RFC3: variants seen among roughly 807,000 people sequenced by gnomAD.
The protein encoded by RFC3 is replication factor C subunit 3.
In RFC3, 41 loss-of-function variants were observed where a neutral mutation model predicts 45.1. The ratio of observed to expected loss-of-function variants is 0.91; its 90% CI spans 0.71 to 1.18. The LOEUF (loss-of-function observed/expected upper bound fraction) is 1.18, where lower values mean the gene tolerates loss of function less well. Ranked by LOEUF, RFC3 falls within the 50% of genes most tolerant of loss-of-function variation. The pLI, the probability that RFC3 is intolerant of heterozygous loss-of-function variation, is 0.00. For synonymous variants in RFC3, 149 were observed against 144.0 expected, an observed-to-expected ratio of 1.03 and a Z score of -0.25; for missense variants, 423 against 428.1, an observed-to-expected ratio of 0.99 and a Z score of 0.10.
intron 8 of RFC3, among the ~76,000 whole-genome samples, chr13:33,922,900 A>T (rs1166745104): frequency 3.9e-5 from 6 of 152,142 alleles, no homozygotes; most frequent in African/African-American, 1.4e-4. Flanking sequence ...GGGTTGCAGG[A>T]ATTAACTTAT....
At chr13:33,921,257 T>C (rs1006495583) in intron 8 of RFC3, among the ~76,000 whole-genome samples, 1 of 152,148 alleles carries the variant, frequency 6.6e-6, no homozygotes, top group Non-Finnish European at 1.5e-5. Context: ...AGCGGCTAAG[T>C]GCTGTCAGCA....
intron 8 of RFC3, among the ~76,000 whole-genome samples, chr13:33,885,435 C>T (rs1410254768): frequency 1.3e-5 from 2 of 152,110 alleles, no homozygotes; most frequent in Admixed American, 6.6e-5. Context: ...GTAACCATCA[C>T]CTGGATAATG....
intron 8 of RFC3, among the ~76,000 whole-genome samples, chr13:33,929,817 G>A (rs912179013): frequency 1.3e-5 from 2 of 151,852 alleles, no homozygotes; most frequent in African/African-American, 4.8e-5. Flanking sequence ...TCCAATTTAT[G>A]CTATTAGAAA....
chr13:33,975,301 A>G, the RFC3 span, among the ~76,000 whole-genome samples: 2 of 152,214 alleles, frequency 1.3e-5, no homozygotes, highest in East Asian at 1.9e-4. Context: ...GCTACATACT[A>G]TATGATTCCA....
rs573349570 is a variant in RFC3 at position 33,904,558 on chromosome 13, A to G, written c.880-61529A>G. On this transcript the variant is annotated intron_variant, in intron 8 of 8. Coordinates refer to the RFC3 transcript ENST00000434425. ...CTCCAGTCTTTCTTCACATTAATCC[A>G]TCTTCCTGGTGTCAGAGGAACCCTC... is the stretch of plus-strand genomic sequence containing the variant. Among the ~76,000 whole-genome samples the G allele has an allele frequency of 5.3e-5, 8 of 151,934 alleles. No individual in the cohort carries two copies. In the South Asian group the frequency reaches 1.2e-3, roughly 24 times the overall value.
At chr13:33,976,227 G>A in the RFC3 span, among the ~76,000 whole-genome samples, 1 of 152,128 alleles carries the variant, frequency 6.6e-6, no homozygotes, top group African/African-American at 2.4e-5. Flanking sequence ...CTATCCATCT[G>A]GGAACAGATA....
chr13:33,836,584 T>C lies in RFC3; in HGVS notation c.*289T>C, dbSNP rs984356811. The C allele has an allele frequency of 9.3e-7, 1 of 1,070,036 alleles. No homozygotes were observed. Among genetic ancestry groups the C allele is most frequent in the Non-Finnish European group, 1.1e-6 (1 of 882,232 alleles). 66.3% of individuals were successfully genotyped at this position (1,070,036 alleles called of 1,614,324 possible). A position where few individuals can be genotyped will look rare whatever the true frequency, so the allele number is the denominator to read the frequency against. On this transcript the variant is annotated 3_prime_UTR_variant, in exon 9 of 9. Transcript: ENST00000380071. ...ATTCATTGTTGATCCTCCTATTCTC[T>C]TCCGTCTAATCTCTCACCTGCTAAA... is the stretch of plus-strand genomic sequence containing the variant.
At chr13:33,912,152 A>G (rs551989401) in intron 8 of RFC3, among the ~76,000 whole-genome samples, 1 of 152,106 alleles carries the variant, frequency 6.6e-6, no homozygotes, top group South Asian at 2.1e-4. Flanking sequence ...TGTAATCAAG[A>G]AAAAAAAGTC....
chr13:33,829,784 TAAAGTTTG>T (rs1244896355), intron 4 of RFC3, 44 bp from the exon 5 acceptor site: 1 of 1,396,008 alleles, frequency 7.2e-7, no homozygotes, highest in Non-Finnish European at 1.0e-6. Flanking sequence ...AGAGACAAGT[TAAAGTTTG>T]AGTGAACTCA....
chr13:33,951,525 C>G (rs868022622), intron 8 of RFC3, among the ~76,000 whole-genome samples: 2 of 152,102 alleles, frequency 1.3e-5, no homozygotes, highest in South Asian at 2.1e-4. Flanking sequence ...AGCCACCACA[C>G]CCAGCTGTAA....
intron 8 of RFC3, among the ~76,000 whole-genome samples, chr13:33,951,883 T>A (rs1034122790): frequency 4.6e-5 from 7 of 152,236 alleles, no homozygotes; most frequent in East Asian, 1.9e-4. Flanking sequence ...ATTATCATTA[T>A]CTTATAGCTG....
intron 8 of RFC3, among the ~76,000 whole-genome samples, chr13:33,964,099 G>A (rs2083073537): frequency 6.6e-6 from 1 of 152,100 alleles, no homozygotes. Context: ...CTTCTTCTGA[G>A]GCTCAACTAT....
chr13:33,864,365 C>A (rs2082360276), intron 8 of RFC3, among the ~76,000 whole-genome samples: 1 of 152,062 alleles, frequency 6.6e-6, no homozygotes, highest in Admixed American at 6.5e-5. Context: ...AAAGGCTAGG[C>A]CTACCTAGAA....
At chr13:33,901,834 CATAAAA>C (rs2082643754) in intron 8 of RFC3, among the ~76,000 whole-genome samples, 1 of 151,826 alleles carries the variant, frequency 6.6e-6, no homozygotes, top group Non-Finnish European at 1.5e-5. Context: ...AATAAAAACA[CATAAAA>C]ATAAACAAGA....
rs1158974579 is a variant in RFC3, at chr13:33,952,010, G to A, written c.880-14077G>A. On this transcript the variant is annotated intron_variant, in intron 8 of 8. Coordinates refer to the RFC3 transcript ENST00000434425. ...GCATGTAATAGTTCCATTTACATATGTTGTAAACACTCCCAAGAATAACAT... is the reference window on the plus strand; with the variant it reads ...GCATGTAATAGTTCCATTTACATATATTGTAAACACTCCCAAGAATAACAT... Among the ~76,000 whole-genome samples the A allele has an allele frequency of 3.3e-5, 5 of 152,176 alleles. No individual in the cohort carries two copies. The East Asian group carries it at 7.7e-4, about 23-fold the overall frequency.
At chr13:33,833,880 G>A (rs982340854) in intron 7 of RFC3, among the ~76,000 whole-genome samples, 14 of 152,050 alleles carry the variant, frequency 9.2e-5, no homozygotes, top group Non-Finnish European at 1.5e-5. Context: ...CAGTAAAAGA[G>A]CATCATTGTT....
chr13:33,864,128 C>T (rs758615663), intron 8 of RFC3, among the ~76,000 whole-genome samples: 31 of 151,970 alleles, frequency 2.0e-4, no homozygotes, highest in Admixed American at 9.2e-4. Context: ...AGTGAGAGAA[C>T]GAGGGAGGAG....
chr13:33,933,316 C>A (rs2082864336), intron 8 of RFC3, among the ~76,000 whole-genome samples: 1 of 152,084 alleles, frequency 6.6e-6, no homozygotes, highest in Non-Finnish European at 1.5e-5. Context: ...TTTACCTGTC[C>A]TACATTGTTT....
intron 7 of RFC3, among the ~76,000 whole-genome samples, chr13:33,834,703 G>A (rs1566385516): frequency 6.6e-6 from 1 of 151,898 alleles, no homozygotes; most frequent in Non-Finnish European, 1.5e-5. Context: ...CCATTTCCTG[G>A]ATGTTTCAGG....
Sources: gnomAD v4.1 joint callset for allele counts (sites outside exome capture counted in the v4.1 genomes callset) on GRCh38, gnomAD v4.1.1 for gene constraint, MANE v1.5 for transcripts, NCBI Gene and HGNC (gene_info 2026-07-23, HGNC 2026-07-21) for gene names.